The following CDKAL1 variants were observed in gnomAD, a reference collection of about 807,000 sequenced individuals.
CDKAL1 encodes threonylcarbamoyladenosine tRNA methylthiotransferase.
A neutral mutation model predicts 68.2 loss-of-function variants in CDKAL1; 32 were observed. That is an observed-to-expected ratio of 0.47 (90% CI 0.35 to 0.63). CDKAL1 has a LOEUF of 0.63. Among genes scored for constraint, CDKAL1 ranks in the 30% least tolerant of loss-of-function variants. The pLI, the probability that CDKAL1 is intolerant of heterozygous loss-of-function variation, is 0.00. For synonymous variants in CDKAL1, 234 were observed against 244.3 expected, an observed-to-expected ratio of 0.96 and a Z score of 0.39; for missense variants, 606 against 696.7, an observed-to-expected ratio of 0.87 and a Z score of 1.47.
chr6:20,893,041 C>T (rs1761491769), intron 9 of CDKAL1, among the ~76,000 whole-genome samples: 1 of 152,138 alleles, frequency 6.6e-6, no homozygotes. Context: ...TGCCTTACCT[C>T]AGGTAAGTAG....
chr6:20,645,759 T>TAAATAA (rs1561993256), intron 4 of CDKAL1, among the ~76,000 whole-genome samples: 24 of 131,100 alleles, frequency 1.8e-4, no homozygotes, highest in African/African-American at 6.0e-4. Context: ...TAAATAAAAA[T>TAAATAA]AAATAAATAA....
chr6:21,127,665 A>T (rs1775085388), intron 13 of CDKAL1, among the ~76,000 whole-genome samples: 1 of 152,080 alleles, frequency 6.6e-6, no homozygotes, highest in African/African-American at 2.4e-5. Flanking sequence ...CAGGAGAATC[A>T]CTTGAACCTG....
intron 8 of CDKAL1, among the ~76,000 whole-genome samples, chr6:20,792,724 A>G (rs954336527): frequency 2.6e-5 from 4 of 152,046 alleles, no homozygotes; most frequent in African/African-American, 9.7e-5. Flanking sequence ...TTTATTCTCT[A>G]CTCATTCACT....
At chr6:20,962,440 T>C (rs2150739397) in intron 10 of CDKAL1, among the ~76,000 whole-genome samples, 1 of 152,322 alleles carries the variant, frequency 6.6e-6, no homozygotes, top group Non-Finnish European at 1.5e-5. Flanking sequence ...TAATTCTGTA[T>C]TTAGTGAAAT....
At chr6:20,632,064 CG>C (rs1767697759) in intron 4 of CDKAL1, among the ~76,000 whole-genome samples, 1 of 152,094 alleles carries the variant, frequency 6.6e-6, no homozygotes, top group African/African-American at 2.4e-5. Flanking sequence ...GTGTGTAACA[CG>C]GATGCCCCTT....
chr6:21,135,806 T>A, intron 13 of CDKAL1: 6 of 516,434 alleles, frequency 1.2e-5, no homozygotes, highest in Non-Finnish European at 1.2e-5. Flanking sequence ...CGCTTCTCCA[T>A]TGGAGAACGG....
intron 10 of CDKAL1, among the ~76,000 whole-genome samples, chr6:20,981,239 A>G (rs1370174694): frequency 6.6e-6 from 1 of 152,168 alleles, no homozygotes; most frequent in Non-Finnish European, 1.5e-5. Context: ...GGAGTATTCC[A>G]TTTGTTTTTA....
chr6:21,030,998 A>C (rs1047673875), intron 11 of CDKAL1, among the ~76,000 whole-genome samples: 1 of 152,106 alleles, frequency 6.6e-6, no homozygotes, highest in Non-Finnish European at 1.5e-5. Flanking sequence ...GCTTAAAGTA[A>C]CACAAATATA....
chr6:21,086,517 T>C (rs1228592066), intron 12 of CDKAL1, among the ~76,000 whole-genome samples: 2 of 152,156 alleles, frequency 1.3e-5, no homozygotes, highest in African/African-American at 2.4e-5. Flanking sequence ...TGCCAGCGCC[T>C]AGGTGGGTGA....
intron 6 of CDKAL1, among the ~76,000 whole-genome samples, chr6:20,749,779 C>T (rs927366949): frequency 6.6e-6 from 1 of 152,088 alleles, no homozygotes; most frequent in African/African-American, 2.4e-5. Flanking sequence ...GATCTTCTGA[C>T]CTCGTGATCT....
intron 11 of CDKAL1, among the ~76,000 whole-genome samples, chr6:21,031,369 T>A (rs1769278980): frequency 6.6e-6 from 1 of 151,378 alleles, no homozygotes; most frequent in South Asian, 2.1e-4. Flanking sequence ...TATTAAAGGG[T>A]TCACCTGATT....
chr6:20,586,942 C>G (rs1005635768), intron 4 of CDKAL1, among the ~76,000 whole-genome samples: 2 of 143,684 alleles, frequency 1.4e-5, no homozygotes, highest in Non-Finnish European at 3.0e-5. Context: ...CTTGCACTTG[C>G]TATTCCCTCA....
intron 4 of CDKAL1, among the ~76,000 whole-genome samples, chr6:20,600,789 C>CATATATATATATATAT (rs58795499): frequency 0.011 from 1,470 of 130,306 alleles, 29 homozygotes; most frequent in African/African-American, 0.039. Flanking sequence ...TATATATATA[C>CATATATATATATATAT]ACACACACAC....
intron 9 of CDKAL1, among the ~76,000 whole-genome samples, chr6:20,855,092 A>G (rs1382372585): frequency 1.3e-5 from 2 of 152,152 alleles, no homozygotes; most frequent in South Asian, 2.1e-4. Context: ...CGTCCCTTTA[A>G]CACTCACTCA....
intron 9 of CDKAL1, among the ~76,000 whole-genome samples, chr6:20,908,458 C>A (rs548483469): frequency 6.6e-6 from 1 of 152,186 alleles, no homozygotes; most frequent in Non-Finnish European, 1.5e-5. Flanking sequence ...CTTGCTGAAT[C>A]TTGACTGGTT....
intron 13 of CDKAL1, among the ~76,000 whole-genome samples, chr6:21,186,571 A>G (rs774453882): frequency 6.6e-5 from 10 of 152,202 alleles, no homozygotes; most frequent in Non-Finnish European, 1.0e-4. Flanking sequence ...CAAGCTGATC[A>G]TGCCATAAGG....
intron 7 of CDKAL1, among the ~76,000 whole-genome samples, chr6:20,774,301 C>T (rs1775076629): frequency 1.3e-5 from 2 of 152,280 alleles, no homozygotes; most frequent in Middle Eastern, 3.4e-3. Context: ...ATGTGCAACC[C>T]ACTTTAGAAC....
At chr6:20,697,961 A>G (rs1480827509) in intron 5 of CDKAL1, among the ~76,000 whole-genome samples, 2 of 152,226 alleles carry the variant, frequency 1.3e-5, no homozygotes, top group African/African-American at 4.8e-5. Flanking sequence ...TTTATGCACA[A>G]GTATTTTAAA....
At chr6:20,979,325 T>G (rs1004344919) in intron 10 of CDKAL1, among the ~76,000 whole-genome samples, 3 of 152,204 alleles carry the variant, frequency 2.0e-5, no homozygotes, top group African/African-American at 7.2e-5. Flanking sequence ...AATGTGGTAA[T>G]TGCCTGATAG....
Sources: gnomAD v4.1 joint callset for allele counts (sites outside exome capture counted in the v4.1 genomes callset) on GRCh38, gnomAD v4.1.1 for gene constraint, MANE v1.5 for transcripts, NCBI Gene and HGNC (gene_info 2026-07-23, HGNC 2026-07-21) for gene names.